Variants in MACROD2 observed in about 807,000 individuals in gnomAD.
MACROD2 encodes the protein ADP-ribose glycohydrolase MACROD2.
Under a neutral mutation model 70.4 loss-of-function variants are expected in MACROD2, and 36 were observed. That is an observed-to-expected ratio of 0.51 (90% confidence interval 0.39 to 0.68). The LOEUF is 0.68. Ranked by LOEUF, MACROD2 falls within the 30% of genes least tolerant of loss-of-function variation. The pLI, the probability that MACROD2 is intolerant of heterozygous loss-of-function variation, is 0.00. For synonymous variants in MACROD2, 172 were observed against 178.8 expected (o/e 0.96, Z 0.30); for missense variants, 496 against 538.4 (o/e 0.92, Z 0.78).
intron 6 of MACROD2, among the ~76,000 whole-genome samples, chr20:15,268,838 A>G (rs924039178): frequency 6.6e-6 from 1 of 152,144 alleles, no homozygotes; most frequent in Non-Finnish European, 1.5e-5. Context: ...CTTCAGAGTC[A>G]TGGCTGCAGT....
intron 1 of MACROD2, chr20:13,996,495 C>T (rs1293249991): frequency 3.3e-5 from 5 of 152,842 alleles, no homozygotes; most frequent in Non-Finnish European, 7.3e-5. Context: ...ATTCCATCCC[C>T]ATTCATGGGC....
intron 8 of MACROD2, among the ~76,000 whole-genome samples, chr20:15,635,364 A>G (rs1315345705): frequency 1.3e-5 from 2 of 152,226 alleles, no homozygotes; most frequent in African/African-American, 4.8e-5. Context: ...AAGCTAGTAC[A>G]CAAAGGGCAG....
At chr20:14,859,247 A>T (rs948955443) in intron 5 of MACROD2, among the ~76,000 whole-genome samples, 10 of 152,124 alleles carry the variant, frequency 6.6e-5, no homozygotes, top group Non-Finnish European at 1.3e-4. Flanking sequence ...AAATAAATAA[A>T]TAGGGTTCAC....
intron 6 of MACROD2, among the ~76,000 whole-genome samples, chr20:15,303,328 C>T (rs572204092): frequency 2.8e-4 from 43 of 152,268 alleles, no homozygotes; most frequent in African/African-American, 9.4e-4. Context: ...TACTCCCTGC[C>T]CCAGCAGCAA....
intron 2 of MACROD2, among the ~76,000 whole-genome samples, chr20:14,058,526 T>A (rs556505923): frequency 9.2e-5 from 14 of 152,034 alleles, no homozygotes; most frequent in East Asian, 3.9e-4. Flanking sequence ...CCTCTTTTTT[T>A]AAAAAATTTT....
At chr20:14,802,670 A>T (rs1249303621) in intron 5 of MACROD2, among the ~76,000 whole-genome samples, 1 of 152,020 alleles carries the variant, frequency 6.6e-6, no homozygotes, top group Non-Finnish European at 1.5e-5. Flanking sequence ...TAATTGTTCC[A>T]TCTGATATCT....
At chr20:15,905,765 G>A (rs907582701) in intron 10 of MACROD2, among the ~76,000 whole-genome samples, 1 of 152,154 alleles carries the variant, frequency 6.6e-6, no homozygotes, top group African/African-American at 2.4e-5. Context: ...TGCTATACCA[G>A]AGAGAGCCTT....
At chr20:14,642,257 T>C (rs957000495) in intron 4 of MACROD2, among the ~76,000 whole-genome samples, 1 of 152,184 alleles carries the variant, frequency 6.6e-6, no homozygotes, top group African/African-American at 2.4e-5. Context: ...GTTAGGGTCT[T>C]GCTCTGGATT....
chr20:15,143,960 CGCA>C (rs2076211520), intron 5 of MACROD2, among the ~76,000 whole-genome samples: 2 of 66,360 alleles, frequency 3.0e-5, no homozygotes, highest in East Asian at 6.1e-4. Context: ...AAAAAAAAAT[CGCA>C]AAAAAAAAAA....
intron 3 of MACROD2, among the ~76,000 whole-genome samples, chr20:14,392,645 T>C (rs1200363208): frequency 6.6e-6 from 1 of 152,218 alleles, no homozygotes; most frequent in Non-Finnish European, 1.5e-5. Context: ...GGTTTTGCCA[T>C]GAGTTAAATA....
chr20:14,223,172 T>G (rs1052985643), intron 3 of MACROD2: 4 of 152,394 alleles, frequency 2.6e-5, no homozygotes, highest in Admixed American at 2.6e-4. Flanking sequence ...ATCAATATAC[T>G]GACCTCCCAG....
intron 6 of MACROD2, among the ~76,000 whole-genome samples, chr20:15,333,241 A>G (rs1233062577): frequency 4.6e-5 from 7 of 151,512 alleles, no homozygotes; most frequent in Non-Finnish European, 7.4e-5. Flanking sequence ...GGACCCAGCA[A>G]TTTGTTTTGG....
At chr20:15,896,395 A>C (rs1258827427) in intron 10 of MACROD2, among the ~76,000 whole-genome samples, 1 of 152,322 alleles carries the variant, frequency 6.6e-6, no homozygotes, top group South Asian at 2.1e-4. Context: ...ATATATAGTC[A>C]TAATAACTGT....
At chr20:14,839,557 T>C (rs555327793) in intron 5 of MACROD2, among the ~76,000 whole-genome samples, 1 of 152,202 alleles carries the variant, frequency 6.6e-6, no homozygotes, top group Admixed American at 6.5e-5. Flanking sequence ...CATGGCATGG[T>C]GGGGCTTAAA....
chr20:15,023,004 C>A (rs1337623180), intron 5 of MACROD2: 3 of 151,866 alleles, frequency 2.0e-5, no homozygotes, highest in Admixed American at 1.3e-4. Context: ...GTAGTTTTTT[C>A]TTTTCCAGAG....
chr20:14,806,465 G>A (rs888436649), intron 5 of MACROD2, among the ~76,000 whole-genome samples: 1 of 151,994 alleles, frequency 6.6e-6, no homozygotes, highest in African/African-American at 2.4e-5. Context: ...ATTACCTCAG[G>A]TGCCTATACC....
chr20:14,691,959 T>A (rs1044677798), intron 5 of MACROD2, among the ~76,000 whole-genome samples: 4 of 152,252 alleles, frequency 2.6e-5, no homozygotes, highest in Non-Finnish European at 2.9e-5. Context: ...ATTCAGGTTT[T>A]ATTTGAATCT....
At chr20:14,955,191 TATAATATATCATTTAC>T (rs2074522936) in intron 5 of MACROD2, among the ~76,000 whole-genome samples, 1 of 120,428 alleles carries the variant, frequency 8.3e-6, no homozygotes, top group East Asian at 2.9e-4. Flanking sequence ...ATATAATTTA[TATAATATATCATTTAC>T]ATAATATAAT....
intron 5 of MACROD2, among the ~76,000 whole-genome samples, chr20:14,919,533 G>T (rs1229934896): frequency 6.6e-6 from 1 of 152,172 alleles, no homozygotes; most frequent in Non-Finnish European, 1.5e-5. Flanking sequence ...CTGCCTTCTT[G>T]CAAGCAACCA....
Sources: allele counts gnomAD v4.1 joint callset (sites outside exome capture counted in the v4.1 genomes callset), GRCh38; gene constraint gnomAD v4.1.1; transcripts MANE v1.5; gene names NCBI Gene and HGNC (gene_info 2026-07-23, HGNC 2026-07-21).